The following C1orf21 variants were observed in gnomAD, a reference collection of about 807,000 sequenced individuals.
C1orf21 encodes the protein chromosome 1 open reading frame 21, also known as uncharacterized protein C1orf21.
C1orf21 carries 3 observed loss-of-function variants against 18.7 expected under a neutral mutation model. The ratio of observed to expected loss-of-function variants is 0.16; its 90% CI spans 0.07 to 0.42. The LOEUF is 0.42. Among genes scored for constraint, C1orf21 ranks in the 10% least tolerant of loss-of-function variants. C1orf21 has a pLI of 0.99. For synonymous variants in C1orf21, 41 were observed against 46.4 expected, an observed-to-expected ratio of 0.88 and a Z score of 0.47; for missense variants, 104 against 143.6, an observed-to-expected ratio of 0.72 and a Z score of 1.41.
At chr1:184,536,182 T>C (rs938069404) in intron 3 of C1orf21, among the ~76,000 whole-genome samples, 5 of 152,220 alleles carry the variant, frequency 3.3e-5, no homozygotes, top group Non-Finnish European at 5.9e-5. Context: ...AGTTTCTTCA[T>C]TTTAAAGTGA....
chr1:184,419,645 C>T (rs933583815), intron 1 of C1orf21, among the ~76,000 whole-genome samples: 1 of 148,016 alleles, frequency 6.8e-6, no homozygotes, highest in African/African-American at 2.5e-5. Context: ...AGGGGAAAAA[C>T]AGAAAAAAAA....
chr1:184,557,259 T>G (rs1016184688), intron 3 of C1orf21, among the ~76,000 whole-genome samples: 7 of 152,214 alleles, frequency 4.6e-5, no homozygotes, highest in African/African-American at 1.7e-4. Context: ...TTTCTTTTTT[T>G]TAATTCAATA....
intron 1 of C1orf21, among the ~76,000 whole-genome samples, chr1:184,420,298 G>T (rs950473657): frequency 6.6e-6 from 1 of 151,764 alleles, no homozygotes; most frequent in Admixed American, 6.6e-5. Context: ...TACTTTTGTG[G>T]GGGGGTGGGC....
At chr1:184,575,611 TAAAA>T (rs59167087) in intron 3 of C1orf21, among the ~76,000 whole-genome samples, 3 of 83,506 alleles carry the variant, frequency 3.6e-5, no homozygotes, top group Non-Finnish European at 5.2e-5. Flanking sequence ...CACAAAAAGG[TAAAA>T]AAAAAAAAAA....
At chr1:184,535,641 C>T (rs138313351) in intron 3 of C1orf21, among the ~76,000 whole-genome samples, 37 of 152,316 alleles carry the variant, frequency 2.4e-4, no homozygotes, top group Non-Finnish European at 4.7e-4. Flanking sequence ...GCAAATGCAG[C>T]ATCATAGATG....
chr1:184,491,324 G>A (rs1657813506), intron 2 of C1orf21, among the ~76,000 whole-genome samples: 1 of 151,466 alleles, frequency 6.6e-6, no homozygotes, highest in Non-Finnish European at 1.5e-5. Context: ...GATATCATTA[G>A]TGTGTGTAGT....
chr1:184,466,656 C>A (rs1223000645), intron 1 of C1orf21, among the ~76,000 whole-genome samples: 1 of 152,062 alleles, frequency 6.6e-6, no homozygotes, highest in East Asian at 1.9e-4. Context: ...AGGACATCAC[C>A]CTTAAATAGT....
At chr1:184,485,657 C>T (rs2101994120) in intron 2 of C1orf21, among the ~76,000 whole-genome samples, 1 of 152,004 alleles carries the variant, frequency 6.6e-6, no homozygotes, top group South Asian at 2.1e-4. Context: ...GTGATTTGGG[C>T]AAAGAGGGGT....
At chr1:184,397,552 C>G (rs192009520) in intron 1 of C1orf21, among the ~76,000 whole-genome samples, 99 of 151,816 alleles carry the variant, frequency 6.5e-4, no homozygotes, top group African/African-American at 2.4e-3. Context: ...CGCTACTGCA[C>G]TCCAGCCTGG....
chr1:184,603,206 T>A (rs1395600705), intron 5 of C1orf21, among the ~76,000 whole-genome samples: 1 of 152,244 alleles, frequency 6.6e-6, no homozygotes, highest in African/African-American at 2.4e-5. Context: ...TGAGCATGCA[T>A]GAGCCTAGCT....
At chr1:184,610,549 T>A (rs930802983) in intron 5 of C1orf21, among the ~76,000 whole-genome samples, 7 of 152,162 alleles carry the variant, frequency 4.6e-5, no homozygotes, top group African/African-American at 1.7e-4. Flanking sequence ...GAAAAGTACG[T>A]GGCTTAAAGC....
Position 184,622,332 on chromosome 1 carries a change from A to C in C1orf21, c.*2776A>C, listed in dbSNP as rs1331811153. On this transcript the variant is annotated 3_prime_UTR_variant, in exon 6 of 6. Coordinates refer to ENST00000235307, the MANE Select transcript of C1orf21 (RefSeq NM_030806.4). Reference sequence around the variant, plus strand: ...TGGCCGTGTCCGGGGTGAAATTGGAAATCCAGCTGCCTAGTGGCCAGTGGG... The same window carrying C: ...TGGCCGTGTCCGGGGTGAAATTGGACATCCAGCTGCCTAGTGGCCAGTGGG... 1 of 152,346 alleles carries C rather than the reference A, an allele frequency of 6.6e-6. No homozygotes were observed. The highest frequency in any genetic ancestry group is 1.5e-5 in the Non-Finnish European group (1 of 68,086). The allele number at this position is 152,346 out of a possible 1,614,324, so 9.4% of individuals were successfully genotyped here.
At chr1:184,490,338 C>CAA (rs1657798762) in intron 2 of C1orf21, among the ~76,000 whole-genome samples, 1 of 152,136 alleles carries the variant, frequency 6.6e-6, no homozygotes, top group Non-Finnish European at 1.5e-5. Flanking sequence ...GGTGATAAGG[C>CAA]AAAAGGTCTC....
rs1271870832 is a variant in C1orf21, at chr1:184,619,676, C to A, written c.*120C>A. 2 of 803,734 alleles carry A rather than the reference C, an allele frequency of 2.5e-6. No homozygotes were observed. The highest frequency in any genetic ancestry group is 1.8e-5 in the African/African-American group (1 of 55,956). The allele number at this position is 803,734 out of a possible 1,614,324, so 49.8% of individuals were successfully genotyped here. ...AGCACTATAGCAAAAGAAGATCGTT[C>A]CATATTGTACGCCCCATTAAATTAC... On this transcript the variant is annotated 3_prime_UTR_variant, in exon 6 of 6. Coordinates refer to ENST00000235307, the MANE Select transcript of C1orf21 (RefSeq NM_030806.4).
intron 3 of C1orf21, among the ~76,000 whole-genome samples, chr1:184,581,869 G>A (rs1659281758): frequency 6.6e-6 from 1 of 152,188 alleles, no homozygotes; most frequent in South Asian, 2.1e-4. Context: ...ATACATGGCT[G>A]TATTTTAATT....
Position 184,402,631 on chromosome 1 carries a change from A to G in C1orf21, c.-125+15263A>G, listed in dbSNP as rs1329784025. Among the ~76,000 whole-genome samples, 18 of 151,790 alleles carry G rather than the reference A, an allele frequency of 1.2e-4. No homozygotes were observed. In the East Asian group the frequency reaches 2.9e-3, roughly 24 times the overall value. On this transcript the variant is annotated intron_variant, in intron 1 of 5. Transcript: ENST00000235307. The stretch of plus-strand genomic sequence containing the variant: ...GACCCTGTCTCAAAAAAAAAAAAAA[A>G]AGTCCATCTTTTTCCCACTGATTTG...
intron 1 of C1orf21, among the ~76,000 whole-genome samples, chr1:184,476,723 A>G (rs1183354636): frequency 6.6e-6 from 1 of 152,200 alleles, no homozygotes; most frequent in African/African-American, 2.4e-5. Context: ...CTTCTGCCCA[A>G]TCCTTAAAAC....
intron 1 of C1orf21, among the ~76,000 whole-genome samples, chr1:184,440,374 C>G (rs1656923890): frequency 6.6e-6 from 1 of 152,168 alleles, no homozygotes; most frequent in Middle Eastern, 3.2e-3. Flanking sequence ...TCCCAAGTAG[C>G]TGGGACTACA....
intron 3 of C1orf21, among the ~76,000 whole-genome samples, chr1:184,513,526 C>T (rs565497337): frequency 6.6e-6 from 1 of 152,350 alleles, no homozygotes; most frequent in Non-Finnish European, 1.5e-5. Context: ...TGGATACCCT[C>T]TTAACCAGCT....
Sources: gnomAD v4.1 joint callset for allele counts (sites outside exome capture counted in the v4.1 genomes callset) on GRCh38, gnomAD v4.1.1 for gene constraint, MANE v1.5 for transcripts, NCBI Gene and HGNC (gene_info 2026-07-23, HGNC 2026-07-21) for gene names.